Variants in CAMTA1 observed in about 807,000 individuals in gnomAD.
CAMTA1 encodes the protein calmodulin binding transcription activator 1.
Under a neutral mutation model 170.9 loss-of-function variants are expected in CAMTA1, and 27 were observed. The ratio of observed to expected loss-of-function variants is 0.16; its 90% CI spans 0.12 to 0.22. The LOEUF is 0.22. Among genes scored for constraint, CAMTA1 ranks in the 10% least tolerant of loss-of-function variants. The pLI, the probability that CAMTA1 is intolerant of heterozygous loss-of-function variation, is 1.00. For synonymous variants in CAMTA1, 833 were observed against 891.5 expected, an observed-to-expected ratio of 0.93 and a Z score of 1.17; for missense variants, 1,619 against 2,217.2, an observed-to-expected ratio of 0.73 and a Z score of 5.42.
At chr1:7,073,170 G>T (rs1638865927) in intron 3 of CAMTA1, among the ~76,000 whole-genome samples, 1 of 152,206 alleles carries the variant, frequency 6.6e-6, no homozygotes, top group Non-Finnish European at 1.5e-5. Flanking sequence ...AGGGGACAAG[G>T]ATCAGTCTCA....
intron 7 of CAMTA1, among the ~76,000 whole-genome samples, chr1:7,655,720 CAT>C (rs1266290643): frequency 6.6e-6 from 1 of 152,026 alleles, no homozygotes; most frequent in East Asian, 1.9e-4. Context: ...TCTATATACA[CAT>C]ACACCGATAC....
intron 5 of CAMTA1, among the ~76,000 whole-genome samples, chr1:7,257,077 G>T (rs369785076): frequency 2.6e-5 from 1 of 38,232 alleles, no homozygotes; most frequent in Non-Finnish European, 7.6e-5. Flanking sequence ...ATCGCATGGC[G>T]GGGGCGGGGG....
intron 1 of CAMTA1, among the ~76,000 whole-genome samples, chr1:6,790,375 A>AGAGTGTGTGTGTGT (rs951990612): frequency 7.2e-6 from 1 of 139,060 alleles, no homozygotes; most frequent in Non-Finnish European, 1.6e-5. Flanking sequence ...AGAGAGAGAG[A>AGAGTGTGTGTGTGT]GTGTGTGTGT....
At chr1:7,733,911 C>T (rs2096751630) in intron 12 of CAMTA1, among the ~76,000 whole-genome samples, 1 of 152,138 alleles carries the variant, frequency 6.6e-6, no homozygotes, top group South Asian at 2.1e-4. Context: ...AAAGAAACAA[C>T]TTGGCACGCA....
intron 5 of CAMTA1, among the ~76,000 whole-genome samples, chr1:7,401,939 G>A (rs2089935727): frequency 2.0e-5 from 3 of 152,088 alleles, no homozygotes; most frequent in African/African-American, 4.8e-5. Context: ...ACTATGTTAT[G>A]ATCCCCATGC....
intron 6 of CAMTA1, among the ~76,000 whole-genome samples, chr1:7,535,248 C>G (rs1477817329): frequency 2.0e-5 from 3 of 152,070 alleles, no homozygotes; most frequent in African/African-American, 4.8e-5. Flanking sequence ...GTCAGGCACC[C>G]CTGGCAGGGC....
At chr1:7,409,108 G>C (rs1002686954) in intron 5 of CAMTA1, among the ~76,000 whole-genome samples, 1 of 152,200 alleles carries the variant, frequency 6.6e-6, no homozygotes, top group South Asian at 2.1e-4. Flanking sequence ...GCTACACATG[G>C]AGCCCAAGGG....
intron 3 of CAMTA1, among the ~76,000 whole-genome samples, chr1:7,028,861 A>G (rs1026778507): frequency 3.3e-5 from 5 of 152,250 alleles, no homozygotes; most frequent in Non-Finnish European, 7.3e-5. Flanking sequence ...CAAATTGTAT[A>G]TTGTACAAAA....
In CAMTA1 at chr1:7,681,613, G is replaced by C. The variant is rs1182760276; in HGVS notation, c.2914+3880G>C. Among the ~76,000 whole-genome samples, 3 of 152,234 alleles carry C rather than the reference G, an allele frequency of 2.0e-5. No individual in the cohort carries two copies. Among genetic ancestry groups the C allele is most frequent in the African/African-American group, 7.2e-5 (3 of 41,468 alleles). The stretch of plus-strand genomic sequence containing the variant: ...TGCAAGGGGGACCTCTTCCAGGCTA[G>C]AGGTAGGCAGGCAATGGGGTTTACC... On this transcript the variant is annotated intron_variant, in intron 11 of 22. Transcript: ENST00000303635. The surrounding 1 kb of genome is among the most constrained non-coding windows in gnomAD (Gnocchi z 4.6).
In CAMTA1 at chr1:6,959,372, C is replaced by T. The variant is rs191923045; in HGVS notation, c.235-131932C>T. On this transcript the variant is annotated intron_variant, in intron 3 of 22. Coordinates refer to ENST00000303635, the MANE Select transcript of CAMTA1 (RefSeq NM_015215.4). ...CTGTGAGGGAGTTTGCAGGAAGCGG[C>T]GGCCTTGGGCACCACTGCTTACCAC... 3.7e-3 allele frequency among the ~76,000 whole-genome samples: 557 copies of T among 152,290 alleles called. 5 individuals are homozygous for T. Among genetic ancestry groups the T allele is most frequent in the African/African-American group, 0.012 (487 of 41,560 alleles).
At chr1:7,312,105 A>G (rs552209417) in intron 5 of CAMTA1, among the ~76,000 whole-genome samples, 8 of 152,240 alleles carry the variant, frequency 5.3e-5, no homozygotes, top group Admixed American at 1.3e-4. Flanking sequence ...CCATGACTGC[A>G]CCCACATCTG....
intron 5 of CAMTA1, among the ~76,000 whole-genome samples, chr1:7,294,460 G>A (rs913341474): frequency 6.6e-6 from 1 of 152,164 alleles, no homozygotes; most frequent in Admixed American, 6.5e-5. Context: ...GAGAGGCTGC[G>A]GGCAGCAGTG....
intron 4 of CAMTA1, among the ~76,000 whole-genome samples, chr1:7,179,055 G>T (rs983480823): frequency 6.6e-6 from 1 of 152,300 alleles, no homozygotes; most frequent in Non-Finnish European, 1.5e-5. Flanking sequence ...ACATCCCAGG[G>T]TGTCTTCATG....
At chr1:7,344,806 G>A (rs1203984825) in intron 5 of CAMTA1, among the ~76,000 whole-genome samples, 2 of 149,796 alleles carry the variant, frequency 1.3e-5, no homozygotes, top group Admixed American at 1.3e-4. Flanking sequence ...GGAGTGCAGT[G>A]GCGTGATCTT....
At chr1:7,449,126 A>G (rs2092750524) in intron 5 of CAMTA1, among the ~76,000 whole-genome samples, 1 of 152,220 alleles carries the variant, frequency 6.6e-6, no homozygotes, top group Non-Finnish European at 1.5e-5. Context: ...TCTTAAGGAA[A>G]ACAGCAAAGA....
At chr1:7,717,118 G>C (rs2096615877) in intron 11 of CAMTA1, among the ~76,000 whole-genome samples, 2 of 152,142 alleles carry the variant, frequency 1.3e-5, no homozygotes, top group African/African-American at 4.8e-5. Flanking sequence ...CAGAGGCTGG[G>C]AATGGGGACG....
At chr1:7,366,987 C>T (rs887865167) in intron 5 of CAMTA1, among the ~76,000 whole-genome samples, 4 of 152,188 alleles carry the variant, frequency 2.6e-5, no homozygotes, top group Admixed American at 1.3e-4. Context: ...TCTCCTCACC[C>T]CAGGGCTCCT....
intron 3 of CAMTA1, among the ~76,000 whole-genome samples, chr1:6,849,902 A>G (rs1330447810): frequency 1.3e-5 from 2 of 151,598 alleles, no homozygotes; most frequent in East Asian, 1.9e-4. Context: ...AGATGTGGTG[A>G]CGCATGCCTG....
chr1:7,429,147 C>T (rs2092025189), intron 5 of CAMTA1, among the ~76,000 whole-genome samples: 1 of 152,210 alleles, frequency 6.6e-6, no homozygotes, highest in Admixed American at 6.5e-5. Context: ...AGCCCCACCA[C>T]CTACAGGGTG....
Sources: allele counts gnomAD v4.1 joint callset (sites outside exome capture counted in the v4.1 genomes callset), GRCh38; gene constraint gnomAD v4.1.1; non-coding constraint Gnocchi (gnomAD v3.1); transcripts MANE v1.5; gene names NCBI Gene and HGNC (gene_info 2026-07-23, HGNC 2026-07-21).